PTGDR: variants seen among roughly 807,000 people sequenced by gnomAD.
The protein encoded by PTGDR is prostaglandin D2 receptor.
A neutral mutation model predicts 17.4 loss-of-function variants in PTGDR; 19 were observed. That is an observed-to-expected ratio of 1.09 (90% CI 0.76 to 1.60). PTGDR has a LOEUF of 1.60. Ranked by LOEUF, PTGDR falls within the 40% of genes most tolerant of loss-of-function variation. The pLI, the probability that PTGDR is intolerant of heterozygous loss-of-function variation, is 0.00. For synonymous variants in PTGDR, 267 were observed against 224.2 expected (o/e 1.19, Z -1.71); for missense variants, 526 against 481.9 (o/e 1.09, Z -0.86).
Position 52,274,784 on chromosome 14 carries a change from TGAA to T in PTGDR, c.905_907del (p.Glu302del). On this transcript the variant is annotated inframe_deletion, in exon 2 of 2. Coordinates refer to ENST00000306051, the MANE Select transcript of PTGDR (RefSeq NM_000953.3). The stretch of plus-strand genomic sequence containing the variant: ...ATGTCAAGGAGAAAAACAGGACCTC[TGAA>T]GAAGCAGAAGACCTCCGAGCCTTGC... The T allele has an allele frequency of 6.2e-7, 1 of 1,613,982 alleles. No homozygotes were observed. Among genetic ancestry groups the T allele is most frequent in the Non-Finnish European group, 8.5e-7 (1 of 1,179,818 alleles).
downstream of PTGDR, among the ~76,000 whole-genome samples, chr14:52,278,645 A>T (rs985808647): frequency 6.6e-5 from 10 of 152,254 alleles, no homozygotes; most frequent in South Asian, 4.2e-4. Flanking sequence ...AAAAGAAAAA[A>T]AATAATATAT....
At position 52,268,502 on chromosome 14, in the gene PTGDR, C is replaced by G. The variant is rs1378890625; in HGVS notation, c.688C>G (p.Arg230Gly). 2 of 1,610,880 alleles carry G rather than the reference C, an allele frequency of 1.2e-6. No individual in the cohort carries two copies. The highest frequency in any genetic ancestry group is 2.7e-5 in the African/African-American group (2 of 74,942). ...CATGCGCAACCTCTATGCGATGCAC[C>G]GGCGGCTGCAGCGGCACCCGCGCTC... ...GAMRNLYAMH[R>G]RLQRHPRSCT... The change falls in exon 1 of 2, where the codon CGG (arginine) becomes GGG (glycine). Residue 230 changes from arginine to glycine, a missense_variant. Arg to Gly is a moderately radical substitution (Grantham distance 125). Coordinates refer to ENST00000306051, the MANE Select transcript of PTGDR (RefSeq NM_000953.3).
At chr14:52,270,458 G>T (rs751104449) in intron 1 of PTGDR, among the ~76,000 whole-genome samples, 35 of 152,008 alleles carry the variant, frequency 2.3e-4, no homozygotes, top group Non-Finnish European at 5.0e-4. Context: ...CAGGAGAATC[G>T]CTTGAACCTG....
At chr14:52,273,535 C>T (rs1267029220) in intron 1 of PTGDR, among the ~76,000 whole-genome samples, 1 of 152,172 alleles carries the variant, frequency 6.6e-6, no homozygotes, top group Non-Finnish European at 1.5e-5. Context: ...ATTCCCTCCG[C>T]CCCCGCCCGA....
At chr14:52,269,595 T>C in intron 1 of PTGDR, 1 of 1,378,864 alleles carries the variant, frequency 7.3e-7, no homozygotes, top group Non-Finnish European at 9.8e-7. Context: ...AATCCCACGT[T>C]CTCGAAATCC....
intron 1 of PTGDR, chr14:52,269,566 T>G: frequency 6.7e-7 from 1 of 1,484,400 alleles, no homozygotes; most frequent in Middle Eastern, 1.7e-4. Context: ...AAAACAATAC[T>G]TACAGAAATT....
At position 52,274,798 on chromosome 14, in the gene PTGDR, A is replaced by G. The variant is rs1344242722; in HGVS notation, c.914A>G (p.Asp305Gly). 2 of 1,613,680 alleles carry G rather than the reference A, an allele frequency of 1.2e-6. No individual in the cohort carries two copies. The highest frequency in any genetic ancestry group is 1.7e-5 in the Admixed American group (1 of 59,982). The change falls in exon 2 of 2, where the codon GAC becomes GGC. Residue 305 changes from aspartate to glycine, a missense_variant. By Grantham distance (94) the Asp-to-Gly change is moderately conservative. Coordinates refer to ENST00000306051, the MANE Select transcript of PTGDR (RefSeq NM_000953.3). The stretch of plus-strand genomic sequence containing the variant: ...AACAGGACCTCTGAAGAAGCAGAAG[A>G]CCTCCGAGCCTTGCGATTTCTATCT... Reference protein sequence around the residue: ...EKNRTSEEAEDLRALRFLSVI... With the variant: ...EKNRTSEEAEGLRALRFLSVI...
At chr14:52,277,782 C>T (rs1157721442), downstream of PTGDR, among the ~76,000 whole-genome samples, 1 of 152,136 alleles carries the variant, frequency 6.6e-6, no homozygotes, top group Admixed American at 6.5e-5. Context: ...GTGGGGCCAG[C>T]AATCTGGGCT....
chr14:52,267,834 G>A lies in PTGDR; in HGVS notation c.20G>A (p.Arg7His). Residue 7 changes from arginine to histidine, a missense_variant, in exon 1 of 2, where the codon CGC becomes CAC. By Grantham distance (29) the Arg-to-His change is conservative (BLOSUM62 0). Transcript: ENST00000306051. ...CACGCCATGAAGTCGCCGTTCTACC[G>A]CTGCCAGAACACCACCTCTGTGGAA... MKSPFYRCQNTTSVEKG... is the reference protein window; with the variant it reads MKSPFYHCQNTTSVEKG... The A allele has an allele frequency of 6.4e-7, 1 of 1,570,346 alleles. No homozygotes were observed. The highest frequency in any genetic ancestry group is 8.6e-7 in the Non-Finnish European group (1 of 1,157,052).
Position 52,268,226 on chromosome 14 carries a change from T to G in PTGDR, c.412T>G (p.Phe138Val), listed in dbSNP as rs760566764. ...LECWLSLGHP[F>V]FYRRHITLRL... ...GTGCTGGCTCTCCCTAGGGCACCCTTTCTTCTACCGACGGCACATCACCCT... is the reference window on the plus strand; with the variant it reads ...GTGCTGGCTCTCCCTAGGGCACCCTGTCTTCTACCGACGGCACATCACCCT... Residue 138 changes from phenylalanine (F) to valine (V), a missense_variant, in exon 1 of 2, where the codon TTC becomes GTC. Phe to Val is a conservative substitution (Grantham distance 50). Coordinates refer to ENST00000306051, the MANE Select transcript of PTGDR (RefSeq NM_000953.3). 6.2e-7 allele frequency: 1 copy of G among 1,614,112 alleles called. No individual in the cohort carries two copies. Among genetic ancestry groups the G allele is most frequent in the South Asian group, 1.1e-5 (1 of 91,090 alleles).
rs555531938 is a variant in PTGDR, at chr14:52,267,959, T to A, written c.145T>A (p.Cys49Ser). 1 of 1,609,384 alleles carries A rather than the reference T, an allele frequency of 6.2e-7. No homozygotes were observed. The highest frequency in any genetic ancestry group is 1.3e-5 in the African/African-American group (1 of 74,998). The change falls in exon 1 of 2, where the codon TGC becomes AGC. Residue 49 changes from cysteine to serine, a missense_variant. Cys to Ser is a moderately radical substitution (Grantham distance 112). Coordinates refer to ENST00000306051, the MANE Select transcript of PTGDR (RefSeq NM_000953.3). ...GLLARSGLGW[C>S]SRRPLRPLPS... Reference sequence around the variant, plus strand: ...GCTGGCGCGCTCGGGGCTGGGGTGGTGCTCGCGGCGTCCACTGCGCCCGCT... The same window carrying A: ...GCTGGCGCGCTCGGGGCTGGGGTGGAGCTCGCGGCGTCCACTGCGCCCGCT...
chr14:52,274,227 TC>T (rs1345341696), intron 1 of PTGDR, among the ~76,000 whole-genome samples: 1 of 152,352 alleles, frequency 6.6e-6, no homozygotes, highest in East Asian at 1.9e-4. Flanking sequence ...ATTAAAAGCT[TC>T]CATTCTATTG....
Position 52,268,273 on chromosome 14 carries a change from C to A in PTGDR, c.459C>A (p.Ala153=). ...HITLRLGALV[A]PVVSAFSLAF... ...CCCTGCGCCTGGGCGCACTGGTGGC[C>A]CCGGTGGTGAGCGCCTTCTCCCTGG... The change falls in exon 1 of 2, where the codon GCC becomes GCA. Residue 153 remains alanine (A), a synonymous_variant. Coordinates refer to ENST00000306051, the MANE Select transcript of PTGDR (RefSeq NM_000953.3). 6.2e-7 allele frequency: 1 copy of A among 1,613,992 alleles called. No homozygotes were observed. The highest frequency in any genetic ancestry group is 8.5e-7 in the Non-Finnish European group (1 of 1,180,040).
In PTGDR at chr14:52,275,719, G is replaced by C. The variant is rs1277302228; in HGVS notation, c.*755G>C. 6.6e-6 allele frequency: 1 copy of C among 152,500 alleles called. No homozygotes were observed. Among genetic ancestry groups the C allele is most frequent in the Non-Finnish European group, 1.5e-5 (1 of 68,022 alleles). The allele number at this position is 152,500 out of a possible 1,614,324, so 9.4% of individuals were successfully genotyped here. A position where few individuals can be genotyped will look rare whatever the true frequency, so the allele number is the denominator to read the frequency against. On this transcript the variant is annotated 3_prime_UTR_variant, in exon 2 of 2. Coordinates refer to ENST00000306051, the MANE Select transcript of PTGDR (RefSeq NM_000953.3). ...GGTGTCAGTAGGAATCAAAAGTTGG[G>C]GGTGGGTTGCAAAATGTTCTTTCAG...
intron 1 of PTGDR, among the ~76,000 whole-genome samples, chr14:52,272,922 C>T (rs750855163): frequency 8.5e-5 from 13 of 152,186 alleles, no homozygotes; most frequent in South Asian, 2.1e-4. Flanking sequence ...AGTATATACA[C>T]GCACACCCTC....
chr14:52,269,052 G>C (rs995459202), intron 1 of PTGDR, among the ~76,000 whole-genome samples: 1 of 152,152 alleles, frequency 6.6e-6, no homozygotes, highest in African/African-American at 2.4e-5. Context: ...CGACGGCTGG[G>C]TGATGTTTTA....
chr14:52,275,222 G>T lies in PTGDR; in HGVS notation c.*258G>T. 2.7e-6 allele frequency: 1 copy of T among 368,568 alleles called. No individual in the cohort carries two copies. Among genetic ancestry groups the T allele is most frequent in the South Asian group, 4.0e-5 (1 of 25,152 alleles). The allele number at this position is 368,568 out of a possible 1,614,324, so 22.8% of individuals were successfully genotyped here. A position where few individuals can be genotyped will look rare whatever the true frequency, so the allele number is the denominator to read the frequency against. Reference sequence around the variant, plus strand: ...TTATATATTGTAACCAGTGTTAAAAGTCTTAAAAAACAATGGTATTAATTG... The same window carrying T: ...TTATATATTGTAACCAGTGTTAAAATTCTTAAAAAACAATGGTATTAATTG... On this transcript the variant is annotated 3_prime_UTR_variant, in exon 2 of 2. Transcript: ENST00000306051.
At chr14:52,278,463 G>C (rs757321834), downstream of PTGDR, among the ~76,000 whole-genome samples, 86 of 152,258 alleles carry the variant, frequency 5.6e-4, no homozygotes, top group Non-Finnish European at 7.2e-4. Flanking sequence ...ACCGGGGACT[G>C]TTGTGGGGTG....
downstream of PTGDR, among the ~76,000 whole-genome samples, chr14:52,277,182 A>G (rs903129526): frequency 1.3e-5 from 2 of 152,230 alleles, no homozygotes; most frequent in African/African-American, 4.8e-5. Flanking sequence ...GGTAGAGAGG[A>G]ATGTCAACAG....
Sources: gnomAD v4.1 joint callset for allele counts (sites outside exome capture counted in the v4.1 genomes callset) on GRCh38, gnomAD v4.1.1 for gene constraint, MANE v1.5 for transcripts, NCBI Gene and HGNC (gene_info 2026-07-23, HGNC 2026-07-21) for gene names.